The following DIS3L2 variants were observed in gnomAD, a reference collection of about 807,000 sequenced individuals.
The protein encoded by DIS3L2 is DIS3 like 3'-5' exoribonuclease 2, also known as DIS3-like exonuclease 2.
A neutral mutation model predicts 97.5 loss-of-function variants in DIS3L2; 34 were observed. That is an observed-to-expected ratio of 0.35 (90% CI 0.27 to 0.46). The LOEUF (loss-of-function observed/expected upper bound fraction) is 0.46, where lower values mean the gene tolerates loss of function less well. DIS3L2 is among the 20% of genes least tolerant of loss of function. DIS3L2 has a pLI of 1.00. For synonymous variants in DIS3L2, 435 were observed against 445.2 expected, an observed-to-expected ratio of 0.98 and a Z score of 0.29; for missense variants, 1,038 against 1,146.0, an observed-to-expected ratio of 0.91 and a Z score of 1.36.
chr2:232,096,291 T>G (rs1180136089), intron 6 of DIS3L2, among the ~76,000 whole-genome samples: 4 of 152,062 alleles, frequency 2.6e-5, no homozygotes, highest in African/African-American at 4.8e-5. Flanking sequence ...TTTCACCGTG[T>G]TAGCCAGGAT....
chr2:232,025,906 G>A (rs1457490480), intron 4 of DIS3L2, among the ~76,000 whole-genome samples: 2 of 152,172 alleles, frequency 1.3e-5, no homozygotes, highest in Admixed American at 6.5e-5. Context: ...GAGCCCTCAT[G>A]TATGAAAGAC....
At chr2:232,222,293 T>A (rs908494555) in intron 10 of DIS3L2, among the ~76,000 whole-genome samples, 10 of 123,750 alleles carry the variant, frequency 8.1e-5, no homozygotes, top group African/African-American at 2.9e-4. Flanking sequence ...ATTTTCCTCT[T>A]GCAGTATTTT....
rs114759741 is a variant in DIS3L2, at chr2:232,118,136, A to G, written c.602-12483A>G. Among the ~76,000 whole-genome samples, 20 of 152,208 alleles carry G rather than the reference A, an allele frequency of 1.3e-4. No individual in the cohort carries two copies. The East Asian group carries it at 3.7e-3, about 28-fold the overall frequency. ...CGCTGCCTGCTCCATGGGCCTCTCT[A>G]TGTGGCCGCATGCTTTATCAGATCC... is the stretch of plus-strand genomic sequence containing the variant. On this transcript the variant is annotated intron_variant, in intron 6 of 20. Transcript: ENST00000325385.
At chr2:232,104,525 A>T (rs78105020) in intron 6 of DIS3L2, among the ~76,000 whole-genome samples, 1 of 152,034 alleles carries the variant, frequency 6.6e-6, no homozygotes, top group East Asian at 1.9e-4. Flanking sequence ...TATTTCCCAA[A>T]CCTTTTCATC....
At chr2:232,004,665 C>G (rs894895189) in intron 1 of DIS3L2, among the ~76,000 whole-genome samples, 3 of 151,804 alleles carry the variant, frequency 2.0e-5, no homozygotes, top group African/African-American at 7.2e-5. Context: ...AGTGCAACCT[C>G]CACCTCCTGG....
At chr2:231,998,421 A>G (rs924246184) in intron 1 of DIS3L2, among the ~76,000 whole-genome samples, 7 of 152,242 alleles carry the variant, frequency 4.6e-5, no homozygotes, top group African/African-American at 1.7e-4. Context: ...CATTACAATG[A>G]CAATTAAATT....
At chr2:232,158,313 G>A (rs905778631) in intron 8 of DIS3L2, among the ~76,000 whole-genome samples, 11 of 141,440 alleles carry the variant, frequency 7.8e-5, no homozygotes, top group Non-Finnish European at 1.1e-4. Context: ...TATCGTGTGT[G>A]TGTGTGTGTG....
chr2:231,972,961 G>GT (rs1204363298), intron 1 of DIS3L2, among the ~76,000 whole-genome samples: 1 of 152,094 alleles, frequency 6.6e-6, no homozygotes, highest in African/African-American at 2.4e-5. Flanking sequence ...TTGCATTTCT[G>GT]TTTATGAATG....
intron 9 of DIS3L2, among the ~76,000 whole-genome samples, chr2:232,184,404 T>G (rs941604346): frequency 6.6e-6 from 1 of 152,176 alleles, no homozygotes; most frequent in Admixed American, 6.5e-5. Context: ...CCCAGTACTT[T>G]GGGAGGTCCA....
chr2:232,015,916 A>T (rs1338368663), intron 3 of DIS3L2: 1 of 358,682 alleles, frequency 2.8e-6, no homozygotes, highest in East Asian at 4.6e-5. Context: ...AGAGGAGGGA[A>T]CCACTATTTC....
intron 5 of DIS3L2, among the ~76,000 whole-genome samples, chr2:232,049,528 T>C (rs889830216): frequency 2.6e-5 from 4 of 152,212 alleles, no homozygotes; most frequent in African/African-American, 7.2e-5. Context: ...TTCTACCTTC[T>C]GTCCACATGA....
At chr2:232,025,232 A>AT (rs985710463) in intron 4 of DIS3L2, among the ~76,000 whole-genome samples, 4 of 151,792 alleles carry the variant, frequency 2.6e-5, no homozygotes, top group Middle Eastern at 3.4e-3. Flanking sequence ...TGGATTTAGA[A>AT]TTTTTTTTTA....
intron 9 of DIS3L2, among the ~76,000 whole-genome samples, chr2:232,175,337 G>A (rs1691122047): frequency 6.6e-6 from 1 of 152,078 alleles, no homozygotes; most frequent in African/African-American, 2.4e-5. Context: ...ATCATATGTT[G>A]AGCCATCACA....
At chr2:232,125,906 T>C (rs1378547021) in intron 6 of DIS3L2, among the ~76,000 whole-genome samples, 2 of 152,234 alleles carry the variant, frequency 1.3e-5, no homozygotes, top group Non-Finnish European at 2.9e-5. Flanking sequence ...AGATAAGTTT[T>C]CCTAGTTGGT....
chr2:232,144,289 TC>T lies in DIS3L2; in HGVS notation c.950+7572del. On this transcript the variant is annotated intron_variant, in intron 8 of 20. Transcript: ENST00000325385. ...GTCCTGCCAGCAGTGTGTATGCAGT[TC>T]CATTGCTCCACATTCTTATTTACAC... Among the ~76,000 whole-genome samples, 3 of 152,258 alleles carry T rather than the reference TC, an allele frequency of 2.0e-5. No homozygotes were observed. In the East Asian group the frequency reaches 5.8e-4, roughly 29 times the overall value.
At chr2:232,051,980 C>G (rs915732803) in intron 5 of DIS3L2, among the ~76,000 whole-genome samples, 2 of 151,362 alleles carry the variant, frequency 1.3e-5, no homozygotes, top group South Asian at 4.2e-4. Flanking sequence ...TATAATGTTT[C>G]TTCATTAATG....
At position 232,018,426 on chromosome 2, in the gene DIS3L2, T is replaced by C. The variant is rs79483237; in HGVS notation, c.210+2755T>C. Among the ~76,000 whole-genome samples the C allele has an allele frequency of 9.5e-3, 1,453 of 152,294 alleles. 18 individuals are homozygous for C. The highest frequency in any genetic ancestry group is 0.024 in the South Asian group (118 of 4,828). On this transcript the variant is annotated intron_variant, in intron 3 of 20. Transcript: ENST00000325385. ...TGGGAAAAGGAATGGGTTCCAGATA[T>C]GAGGTCACCGTGTGAAATATACAAC... is the stretch of plus-strand genomic sequence containing the variant.
intron 14 of DIS3L2, among the ~76,000 whole-genome samples, chr2:232,304,371 A>G (rs1207966253): frequency 6.6e-6 from 1 of 152,200 alleles, no homozygotes; most frequent in Non-Finnish European, 1.5e-5. Context: ...AGTGTGTTAC[A>G]TGGGGGAGGC....
At chr2:232,264,653 T>A (rs1291751927) in intron 13 of DIS3L2, among the ~76,000 whole-genome samples, 1 of 152,242 alleles carries the variant, frequency 6.6e-6, no homozygotes, top group Non-Finnish European at 1.5e-5. Context: ...CCAGACCGCC[T>A]CATGCAGACT....
Sources: allele counts gnomAD v4.1 joint callset (sites outside exome capture counted in the v4.1 genomes callset), GRCh38; gene constraint gnomAD v4.1.1; transcripts MANE v1.5; gene names NCBI Gene and HGNC (gene_info 2026-07-23, HGNC 2026-07-21).